The following AFG2A variants were observed in gnomAD, a reference collection of about 807,000 sequenced individuals.
AFG2A encodes ATPase family gene 2 protein homolog A.
the AFG2A span, among the ~76,000 whole-genome samples, chr4:123,048,355 T>A: frequency 6.6e-6 from 1 of 152,192 alleles, no homozygotes; most frequent in East Asian, 1.9e-4. Context: ...CTTGTGTGGA[T>A]CCATATGAAA....
chr4:123,105,299 G>A, the AFG2A span, among the ~76,000 whole-genome samples: 6 of 152,076 alleles, frequency 3.9e-5, no homozygotes, highest in Non-Finnish European at 8.8e-5. Flanking sequence ...GCTCACTGTC[G>A]ATACCTATTG....
At chr4:122,937,310 C>G in the AFG2A span, among the ~76,000 whole-genome samples, 21 of 152,310 alleles carry the variant, frequency 1.4e-4, no homozygotes, top group East Asian at 4.0e-3. Context: ...TGTAGCCTCC[C>G]AAGTAGCTGG....
At chr4:123,212,981 T>C in the AFG2A span, among the ~76,000 whole-genome samples, 1 of 152,150 alleles carries the variant, frequency 6.6e-6, no homozygotes, top group African/African-American at 2.4e-5. Context: ...AACAGCATAA[T>C]CATAAAATAT....
chr4:123,018,024 A>AT, the AFG2A span, among the ~76,000 whole-genome samples: 202 of 151,162 alleles, frequency 1.3e-3, no homozygotes, highest in African/African-American at 4.3e-3. Flanking sequence ...CCATAAAAGT[A>AT]TTTTTTTTTC....
chr4:123,042,877 A>T, the AFG2A span, among the ~76,000 whole-genome samples: 1 of 152,200 alleles, frequency 6.6e-6, no homozygotes, highest in East Asian at 1.9e-4. Flanking sequence ...AATAAACTTT[A>T]TATTGTAGAG....
chr4:123,035,846 T>A, the AFG2A span, among the ~76,000 whole-genome samples: 9 of 152,064 alleles, frequency 5.9e-5, no homozygotes, highest in South Asian at 1.9e-3. Flanking sequence ...TAGAGAGATT[T>A]AGAAAAAGAA....
chr4:122,943,581 C>T, the AFG2A span, among the ~76,000 whole-genome samples: 2 of 152,108 alleles, frequency 1.3e-5, no homozygotes, highest in South Asian at 4.1e-4. Flanking sequence ...GGTCTTGACT[C>T]TTTATCCAGT....
chr4:123,140,661 C>G, the AFG2A span, among the ~76,000 whole-genome samples: 1 of 152,130 alleles, frequency 6.6e-6, no homozygotes, highest in South Asian at 2.1e-4. Flanking sequence ...TCACATTGCT[C>G]TATGTGTATT....
At chr4:123,079,161 T>A in the AFG2A span, among the ~76,000 whole-genome samples, 66 of 152,354 alleles carry the variant, frequency 4.3e-4, 3 homozygotes, top group East Asian at 6.4e-3. Context: ...ATTGAACAAA[T>A]AAATTGAATT....
At chr4:123,208,372 G>T in the AFG2A span, among the ~76,000 whole-genome samples, 1 of 152,116 alleles carries the variant, frequency 6.6e-6, no homozygotes, top group African/African-American at 2.4e-5. Context: ...AAAGACTTTG[G>T]ATTTGGCCAT....
the AFG2A span, among the ~76,000 whole-genome samples, chr4:122,939,192 T>A: frequency 6.7e-6 from 1 of 149,648 alleles, no homozygotes; most frequent in Non-Finnish European, 1.5e-5. Flanking sequence ...TTCAAGCAAT[T>A]CTCCTGCCTC....
At chr4:122,941,072 C>T in the AFG2A span, among the ~76,000 whole-genome samples, 2 of 149,868 alleles carry the variant, frequency 1.3e-5, no homozygotes, top group South Asian at 4.2e-4. Context: ...AGCATGATGC[C>T]TCCAGCTTTG....
the AFG2A span, among the ~76,000 whole-genome samples, chr4:123,124,467 A>G: frequency 3.9e-5 from 6 of 152,180 alleles, no homozygotes; most frequent in Non-Finnish European, 8.8e-5. Context: ...GAAGGGGAAC[A>G]TCACATACCA....
At chr4:122,935,804 C>T in the AFG2A span, 1 of 1,612,270 alleles carries the variant, frequency 6.2e-7, no homozygotes, top group Non-Finnish European at 8.5e-7. Flanking sequence ...GAAGTTGGAG[C>T]CTATGTTTCT....
chr4:123,162,319 T>A, the AFG2A span, among the ~76,000 whole-genome samples: 1 of 152,144 alleles, frequency 6.6e-6, no homozygotes, highest in African/African-American at 2.4e-5. Context: ...TAACTCCATA[T>A]AACAGAACCA....
chr4:123,059,596 T>A, the AFG2A span, among the ~76,000 whole-genome samples: 1 of 151,708 alleles, frequency 6.6e-6, no homozygotes, highest in East Asian at 1.9e-4. Flanking sequence ...CTATTGTGAA[T>A]AGTGCCACAA....
At chr4:122,981,303 C>T in the AFG2A span, among the ~76,000 whole-genome samples, 8 of 152,180 alleles carry the variant, frequency 5.3e-5, no homozygotes, top group South Asian at 1.0e-3. Context: ...GCGTGTTCTT[C>T]GGTACCTTTG....
At chr4:122,948,947 A>G in the AFG2A span, among the ~76,000 whole-genome samples, 1 of 152,198 alleles carries the variant, frequency 6.6e-6, no homozygotes, top group South Asian at 2.1e-4. Context: ...AGCAATATAA[A>G]CTACAATAAC....
the AFG2A span, among the ~76,000 whole-genome samples, chr4:123,242,470 A>G: frequency 6.6e-6 from 1 of 152,226 alleles, no homozygotes; most frequent in Non-Finnish European, 1.5e-5. Context: ...CTGATCTTTG[A>G]CAAACCTGAC....
Sources: gnomAD v4.1 joint callset for allele counts (sites outside exome capture counted in the v4.1 genomes callset) on GRCh38, gnomAD v4.1.1 for gene constraint, MANE v1.5 for transcripts, NCBI Gene and HGNC (gene_info 2026-07-23, HGNC 2026-07-21) for gene names.